MYO15A: variants seen among roughly 807,000 people sequenced by gnomAD.
MYO15A encodes unconventional myosin-XV.
A neutral mutation model predicts 394.6 loss-of-function variants in MYO15A; 308 were observed. The ratio of observed to expected loss-of-function variants is 0.78; its 90% CI spans 0.71 to 0.86. The LOEUF (loss-of-function observed/expected upper bound fraction) is 0.86, where lower values mean the gene tolerates loss of function less well. MYO15A is among the 40% of genes least tolerant of loss of function. The pLI is 0.00. For synonymous variants in MYO15A, 1,957 were observed against 2,003.8 expected, an observed-to-expected ratio of 0.98 and a Z score of 0.62; for missense variants, 4,606 against 4,799.1, an observed-to-expected ratio of 0.96 and a Z score of 1.19.
intron 44 of MYO15A, 115 bp downstream of exon 44, chr17:18,154,305 G>A (rs2046636906): frequency 3.3e-6 from 4 of 1,209,442 alleles, no homozygotes; most frequent in Non-Finnish European, 4.8e-6. Flanking sequence ...TCCTTGACAG[G>A]GGTGAGGATG....
chr17:18,151,593 A>G (rs1458047585), intron 40 of MYO15A, 66 bp downstream of exon 40: 1 of 1,603,868 alleles, frequency 6.2e-7, no homozygotes. Flanking sequence ...ATCATGGCCC[A>G]CCAGCTTACT....
In MYO15A at chr17:18,148,973, C is replaced by T. The variant is rs1335116679; in HGVS notation, c.6956+21C>T. 6.4e-6 allele frequency: 10 copies of T among 1,568,332 alleles called. No homozygotes were observed. Among genetic ancestry groups the T allele is most frequent in the East Asian group, 2.3e-5 (1 of 42,666 alleles). The stretch of plus-strand genomic sequence containing the variant: ...AAAGTGTAGGTAGCTATGGGGGACC[C>T]CCTCACAGATGGCCACTCCCAGGCA... On this transcript the variant is annotated intron_variant, in intron 33 of 65. Coordinates refer to ENST00000647165, the MANE Select transcript of MYO15A (RefSeq NM_016239.4). The surrounding 1 kb of genome is among the most constrained non-coding windows in gnomAD (Gnocchi z 4.8).
intron 48 of MYO15A, 84 bp downstream of exon 48, chr17:18,156,420 T>C: frequency 2.0e-6 from 3 of 1,470,610 alleles, no homozygotes; most frequent in Non-Finnish European, 2.8e-6. Flanking sequence ...AATATGACTG[T>C]GTCCATAGAT....
Position 18,118,874 on chromosome 17 carries a change from A to G in MYO15A, c.74A>G (p.Lys25Arg). 2 of 1,613,704 alleles carry G rather than the reference A, an allele frequency of 1.2e-6. No individual in the cohort carries two copies. The highest frequency in any genetic ancestry group is 1.7e-6 in the Non-Finnish European group (2 of 1,179,886). ...GGGAAGAAGGCACCGGAGCCGGAGA[A>G]GCCCAAACGGAGCCTGAAGGGGACG... ...KKGKKAPEPE[K>R]PKRSLKGTSR... Residue 25 changes from lysine to arginine, a missense_variant, in exon 2 of 66, where the codon AAG becomes AGG. By Grantham distance (26) the Lys-to-Arg change is conservative (BLOSUM62 2). Transcript: ENST00000647165.
chr17:18,132,539 G>A lies in MYO15A; in HGVS notation c.4293G>A (p.Glu1431=), dbSNP rs751131008. The change falls in exon 11 of 66, where the codon GAG becomes GAA. Residue 1431 remains glutamate (E), a synonymous_variant. Transcript: ENST00000647165. The surrounding 1 kb of genome is among the most constrained non-coding windows in gnomAD (Gnocchi z 4.6). The stretch of plus-strand genomic sequence containing the variant: ...TCAGGCAGGCCTTTAGCCTGCAAGA[G>A]GCTGAGACCTACTACTATCTGAACC... ...AQLRQAFSLQ[E]AETYYYLNQG... is the part of the protein sequence containing the mutation. The A allele has an allele frequency of 1.2e-6, 2 of 1,612,814 alleles. No homozygotes were observed. The highest frequency in any genetic ancestry group is 1.7e-6 in the Non-Finnish European group (2 of 1,180,050).
Position 18,120,900 on chromosome 17 carries a change from C to G in MYO15A, c.2100C>G (p.His700Gln). Residue 700 changes from histidine (H) to glutamine (Q), a missense_variant, in exon 2 of 66, where the codon CAC (histidine) becomes CAG (glutamine). Physicochemically the swap from His to Gln is conservative, Grantham distance 24. This residue lies in a region of MYO15A where 1,830 missense variants were observed against 1,689.7 expected (regional missense o/e 1.08). Transcript: ENST00000647165. Reference sequence around the variant, plus strand: ...CGCCCTACGGCTCCCTCCGCCGCCACCCGCCGCCCTGGGCCGCCCCAGCGC... The same window carrying G: ...CGCCCTACGGCTCCCTCCGCCGCCAGCCGCCGCCCTGGGCCGCCCCAGCGC... ...PASPYGSLRR[H>Q]PPPWAAPAHV... is the part of the protein sequence containing the mutation. 1 of 1,401,230 alleles carries G rather than the reference C, an allele frequency of 7.1e-7. No individual in the cohort carries two copies. The highest frequency in any genetic ancestry group is 9.3e-7 in the Non-Finnish European group (1 of 1,081,078). 86.8% of individuals were successfully genotyped at this position (1,401,230 alleles called of 1,614,324 possible).
chr17:18,154,245 G>A (rs577430282), intron 44 of MYO15A, 55 bp downstream of exon 44: 11 of 1,588,286 alleles, frequency 6.9e-6, no homozygotes, highest in East Asian at 2.2e-5. Context: ...CTGTGTGGAC[G>A]CAAAGATGAG....
At chr17:18,144,387 C>T in intron 28 of MYO15A, 110 bp from the exon 29 acceptor site, 1 of 1,051,156 alleles carries the variant, frequency 9.5e-7, no homozygotes. Context: ...ACACTGAGGA[C>T]CAAAGCCCCT....
At chr17:18,113,519 G>A (rs933362332) in intron 1 of MYO15A, among the ~76,000 whole-genome samples, 1 of 152,152 alleles carries the variant, frequency 6.6e-6, no homozygotes, top group Admixed American at 6.5e-5. Context: ...AGCACTTTGG[G>A]AGGATGAGGT....
Position 18,131,342 on chromosome 17 carries a change from G to C in MYO15A, c.4142G>C (p.Gly1381Ala). The change falls in exon 9 of 66, where the codon GGG becomes GCG. Residue 1381 changes from glycine to alanine, a missense_variant and splice_region_variant. Gly to Ala is a moderately conservative substitution (Grantham distance 60). This residue lies in a region of MYO15A where 2,776 missense variants were observed against 3,109.3 expected (regional missense o/e 0.89). Transcript: ENST00000647165. The part of the protein sequence containing the change: ...FGKFVEIFLE[G>A]GVISGAITSQ... ...AAGTTTGTGGAAATCTTTCTGGAAG[G>C]GTGAGTTGGGACAGTGGAGGGCCTC... 6.2e-7 allele frequency: 1 copy of C among 1,614,084 alleles called. No homozygotes were observed. The highest frequency in any genetic ancestry group is 1.6e-4 in the Middle Eastern group (1 of 6,062).
chr17:18,158,708 A>G, intron 52 of MYO15A, 70 bp downstream of exon 52: 1 of 1,560,400 alleles, frequency 6.4e-7, no homozygotes, highest in Non-Finnish European at 8.8e-7. Context: ...TCCAAACTGC[A>G]GGCTGTCAGT....
chr17:18,121,151 C>T lies in MYO15A; in HGVS notation c.2351C>T (p.Pro784Leu), dbSNP rs1284817742. 1.3e-6 allele frequency: 2 copies of T among 1,511,290 alleles called. No individual in the cohort carries two copies. The allele number at this position is 1,511,290 out of a possible 1,614,324, so 93.6% of individuals were successfully genotyped here. ...ASPQPSLRSSPGLGYCSPLAP... is the reference protein window; with the variant it reads ...ASPQPSLRSSLGLGYCSPLAP... Reference sequence around the variant, plus strand: ...CCCCAGCCCTCGCTGAGGAGCTCGCCGGGCCTCGGCTACTGCTCACCCTTG... The same window carrying T: ...CCCCAGCCCTCGCTGAGGAGCTCGCTGGGCCTCGGCTACTGCTCACCCTTG... The change falls in exon 2 of 66, where the codon CCG becomes CTG. Residue 784 changes from proline to leucine, a missense_variant. Pro to Leu is a moderately conservative substitution (Grantham distance 98). Coordinates refer to ENST00000647165, the MANE Select transcript of MYO15A (RefSeq NM_016239.4). The surrounding 1 kb of genome is among the most constrained non-coding windows in gnomAD (Gnocchi z 5.3).
chr17:18,150,627 T>C lies in MYO15A; in HGVS notation c.7328-71T>C. 1 of 1,605,844 alleles carries C rather than the reference T, an allele frequency of 6.2e-7. No homozygotes were observed. Among genetic ancestry groups the C allele is most frequent in the Non-Finnish European group, 8.5e-7 (1 of 1,174,950 alleles). ...TGCTAGAATGGAGGCAGCCACAGCA[T>C]GATGGGGGCTGAGAGGACAGGGAGG... is the stretch of plus-strand genomic sequence containing the variant. On this transcript the variant is annotated intron_variant, in intron 36 of 65. Coordinates refer to ENST00000647165, the MANE Select transcript of MYO15A (RefSeq NM_016239.4). This position sits in a 1 kb window ranked among gnomAD's most constrained non-coding sequence, Gnocchi z 4.4.
In MYO15A at chr17:18,122,249, G is replaced by A. The variant is rs1597758810; in HGVS notation, c.3449G>A (p.Cys1150Tyr). ...ATTCAGGACCCCAAGCCAAGAGCCT[G>A]TAGTCTTCGCTGGTCCTGCCTCTGG... ...QPIQDPKPRACSLRWSCLWLR... is the reference protein window; with the variant it reads ...QPIQDPKPRAYSLRWSCLWLR... The change falls in exon 2 of 66, where the codon TGT (cysteine) becomes TAT (tyrosine). Residue 1150 changes from cysteine (C) to tyrosine (Y), a missense_variant. By Grantham distance (194) the Cys-to-Tyr change is radical (BLOSUM62 -2). Around this residue, in one of 2 missense-constraint regions of MYO15A, gnomAD observed 1,830 missense variants for 1,689.7 expected, o/e 1.08. Transcript: ENST00000647165. 2 of 1,613,196 alleles carry A rather than the reference G, an allele frequency of 1.2e-6. No homozygotes were observed. The highest frequency in any genetic ancestry group is 1.7e-6 in the Non-Finnish European group (2 of 1,180,032).
In MYO15A at chr17:18,132,904, G is replaced by C. The variant is rs773726343; in HGVS notation, c.4321-321G>C. 4.1e-4 allele frequency among the ~76,000 whole-genome samples: 63 copies of C among 152,322 alleles called. No individual in the cohort carries two copies. The highest frequency in any genetic ancestry group is 8.2e-4 in the Non-Finnish European group (56 of 68,028). ...TACCACTTTGCAGGGATGTAGTGAGGCTTAGATGAGGAAACGCATGTAAAG... is the reference window on the plus strand; with the variant it reads ...TACCACTTTGCAGGGATGTAGTGAGCCTTAGATGAGGAAACGCATGTAAAG... On this transcript the variant is annotated intron_variant, in intron 11 of 65. Coordinates refer to ENST00000647165, the MANE Select transcript of MYO15A (RefSeq NM_016239.4). This position sits in a 1 kb window ranked among gnomAD's most constrained non-coding sequence, Gnocchi z 4.6.
intron 7 of MYO15A, among the ~76,000 whole-genome samples, chr17:18,127,834 G>GATATATAT (rs55650584): frequency 0.035 from 4,526 of 130,760 alleles, 97 homozygotes; most frequent in East Asian, 0.043. Flanking sequence ...GAAAAAAAAA[G>GATATATAT]ATATATATAT....
Position 18,119,428 on chromosome 17 carries a change from G to A in MYO15A, c.628G>A (p.Asp210Asn). 1 of 1,612,334 alleles carries A rather than the reference G, an allele frequency of 6.2e-7. No individual in the cohort carries two copies. The highest frequency in any genetic ancestry group is 8.5e-7 in the Non-Finnish European group (1 of 1,179,954). The change falls in exon 2 of 66, where the codon GAC becomes AAC. Residue 210 changes from aspartate (D) to asparagine (N), a missense_variant. Around this residue, in one of 2 missense-constraint regions of MYO15A, gnomAD observed 1,830 missense variants for 1,689.7 expected, o/e 1.08. Transcript: ENST00000647165. ...GCCCCTGGGCTTCCTGCCCTTCGAGGACGAGGCCCCATTCCATCACTCGGG... is the reference window on the plus strand; with the variant it reads ...GCCCCTGGGCTTCCTGCCCTTCGAGAACGAGGCCCCATTCCATCACTCGGG... The part of the protein sequence containing the change: ...GEPLGFLPFE[D>N]EAPFHHSGSR...
chr17:18,113,384 C>T (rs2045745414), intron 1 of MYO15A, among the ~76,000 whole-genome samples: 1 of 152,168 alleles, frequency 6.6e-6, no homozygotes, highest in Non-Finnish European at 1.5e-5. Flanking sequence ...TGGGCTCCTC[C>T]CATCTCAGCT....
intron 2 of MYO15A, chr17:18,123,016 GA>G (rs1342891537): frequency 6.5e-6 from 1 of 153,608 alleles, no homozygotes; most frequent in African/African-American, 2.4e-5. Context: ...GGAACCCCAT[GA>G]GGGGTGCAGG....
Sources: gnomAD v4.1 joint callset for allele counts (sites outside exome capture counted in the v4.1 genomes callset) on GRCh38, gnomAD v4.1.1 for gene constraint, gnomAD v4.1.1 regional missense constraint, Gnocchi (gnomAD v3.1) non-coding constraint, MANE v1.5 for transcripts, NCBI Gene and HGNC (gene_info 2026-07-23, HGNC 2026-07-21) for gene names.